Variants in MTA3 observed in about 807,000 individuals in gnomAD.
MTA3 encodes metastasis-associated protein MTA3.
A neutral mutation model predicts 83.5 loss-of-function variants in MTA3; 34 were observed. The observed-to-expected ratio is 0.41, with a 90% CI of 0.31 to 0.54. MTA3 has a LOEUF of 0.54. Among genes scored for constraint, MTA3 ranks in the 20% least tolerant of loss-of-function variants. The probability of loss-of-function intolerance (pLI) is 0.33; values close to 1 mark genes in which losing one functional copy is unlikely to be tolerated. For synonymous variants in MTA3, 303 were observed against 252.7 expected (o/e 1.20, Z -1.89); for missense variants, 761 against 726.4 (o/e 1.05, Z -0.55).
intron 16 of MTA3, among the ~76,000 whole-genome samples, chr2:42,734,070 A>G (rs920016171): frequency 6.6e-6 from 1 of 152,134 alleles, no homozygotes; most frequent in South Asian, 2.1e-4. Flanking sequence ...ATTAAGTCCT[A>G]GGTTTCTTTA....
intron 2 of MTA3, among the ~76,000 whole-genome samples, chr2:42,546,620 G>C (rs769368875): frequency 2.0e-5 from 3 of 151,990 alleles, no homozygotes; most frequent in Admixed American, 6.6e-5. Context: ...TTTCTAGGTT[G>C]GTCATTCCTA....
At chr2:42,647,155 T>TAAAAAAAAAAAACA (rs762680843) in intron 6 of MTA3, among the ~76,000 whole-genome samples, 59,961 of 88,680 alleles carry the variant, frequency 0.68, 20,382 homozygotes, top group African/African-American at 0.79. Flanking sequence ...AGACTCTGTC[T>TAAAAAAAAAAAACA]AAAAAAAAAA....
At position 42,540,039 on chromosome 2, in the gene MTA3, G is replaced by A. The variant is rs576542022; in HGVS notation, c.-140-30398G>A. Among the ~76,000 whole-genome samples the A allele has an allele frequency of 5.9e-5, 9 of 152,172 alleles. No individual in the cohort carries two copies. In the East Asian group the frequency reaches 1.4e-3, roughly 23 times the overall value. On this transcript the variant is annotated intron_variant, in intron 2 of 17. Coordinates refer to the MTA3 transcript ENST00000405592. Reference sequence around the variant, plus strand: ...GCACCTTCCTCCCTCTCTCTGGCTGGAAATTTTTAAATAACGGGGGAGGGA... The same window carrying A: ...GCACCTTCCTCCCTCTCTCTGGCTGAAAATTTTTAAATAACGGGGGAGGGA...
intron 3 of MTA3, among the ~76,000 whole-genome samples, chr2:42,596,995 C>T (rs1471615891): frequency 1.3e-5 from 2 of 151,870 alleles, no homozygotes; most frequent in Non-Finnish European, 2.9e-5. Flanking sequence ...ACCTCTGCCT[C>T]CCGGGTTCAA....
intron 2 of MTA3, among the ~76,000 whole-genome samples, chr2:42,534,742 T>A (rs1399625673): frequency 6.6e-6 from 1 of 152,182 alleles, no homozygotes; most frequent in Non-Finnish European, 1.5e-5. Flanking sequence ...TCTACTGTTA[T>A]TTTGGACTTC....
At chr2:42,624,246 T>C (rs1685861786) in intron 4 of MTA3, among the ~76,000 whole-genome samples, 1 of 152,108 alleles carries the variant, frequency 6.6e-6, no homozygotes, top group African/African-American at 2.4e-5. Context: ...AATACAATAA[T>C]TTTTAATATT....
chr2:42,533,612 T>C (rs1317405111), intron 2 of MTA3, among the ~76,000 whole-genome samples: 5 of 147,116 alleles, frequency 3.4e-5, no homozygotes, highest in Non-Finnish European at 4.5e-5. Flanking sequence ...GGTGGGCGGA[T>C]CACGAGGTTA....
Position 42,548,846 on chromosome 2 carries a change from A to ATATATATATATAAT in MTA3, c.-140-21591_-140-21590insTATATATATATAAT, listed in dbSNP as rs1553340715. Among the ~76,000 whole-genome samples, 13 of 15,064 alleles carry ATATATATATATAAT rather than the reference A, an allele frequency of 8.6e-4. 1 individual carries two copies. Among genetic ancestry groups the ATATATATATATAAT allele is most frequent in the South Asian group, 1.6e-3 (1 of 640 alleles). 9.9% of individuals were successfully genotyped at this position (15,064 alleles called of 152,430 possible). A position where few individuals can be genotyped will look rare whatever the true frequency, so the allele number is the denominator to read the frequency against. On this transcript the variant is annotated intron_variant, in intron 2 of 17. Transcript: ENST00000405592. ...ATATATATAATATATATATATATAT[A>ATATATATATATAAT]ATATATATATATAATATATATATAT...
Position 42,609,488 on chromosome 2 carries a change from T to A in MTA3, c.221T>A (p.Val74Asp). 6.2e-7 allele frequency: 1 copy of A among 1,613,878 alleles called. No individual in the cohort carries two copies. Among genetic ancestry groups the A allele is most frequent in the Non-Finnish European group, 8.5e-7 (1 of 1,179,820 alleles). Residue 74 changes from valine to aspartate, a missense_variant, in exon 4 of 17, where the codon GTT becomes GAT. Coordinates refer to ENST00000405094, the MANE Select transcript of MTA3 (RefSeq NM_001330442.2). Reference protein sequence around the residue: ...KEIEEESETTVEADLTDKQKH... With the variant: ...KEIEEESETTDEADLTDKQKH... ...ATTGAGGAAGAATCTGAAACAACAG[T>A]TGAGGCTGACTTGACCGATAAGCAG...
At chr2:42,710,483 A>AGAGGTTGCAGTGAGCT in intron 14 of MTA3, among the ~76,000 whole-genome samples, 1 of 147,146 alleles carries the variant, frequency 6.8e-6, no homozygotes, top group East Asian at 2.1e-4. Flanking sequence ...ACCGGGAGGC[A>AGAGGTTGCAGTGAGCT]GAGGTTGCAG....
At chr2:42,724,178 C>G (rs571333862) in intron 16 of MTA3, among the ~76,000 whole-genome samples, 1 of 151,954 alleles carries the variant, frequency 6.6e-6, no homozygotes, top group African/African-American at 2.4e-5. Flanking sequence ...TGGATTCAGG[C>G]TTGAATGTAA....
At chr2:42,542,579 T>C (rs148095456) in intron 2 of MTA3, among the ~76,000 whole-genome samples, 1,593 of 152,206 alleles carry the variant, frequency 0.01, 25 homozygotes, top group African/African-American at 0.037. Flanking sequence ...TGAGACGGAG[T>C]CTCACTCTGT....
At chr2:42,596,853 C>G (rs189344922) in intron 3 of MTA3, among the ~76,000 whole-genome samples, 1 of 151,930 alleles carries the variant, frequency 6.6e-6, no homozygotes, top group African/African-American at 2.4e-5. Flanking sequence ...TGTGGACTTA[C>G]AGAATGAAAA....
At chr2:42,696,632 A>G (rs1055616405) in intron 10 of MTA3, among the ~76,000 whole-genome samples, 3 of 152,200 alleles carry the variant, frequency 2.0e-5, no homozygotes, top group Admixed American at 6.5e-5. Context: ...TGAGCTGGGT[A>G]TGGTGGTGTG....
intron 9 of MTA3, among the ~76,000 whole-genome samples, chr2:42,693,952 A>G (rs901819016): frequency 6.6e-6 from 1 of 152,168 alleles, no homozygotes; most frequent in South Asian, 2.1e-4. Context: ...CTCGGGGCCC[A>G]TGGGCTCTTT....
intron 12 of MTA3, among the ~76,000 whole-genome samples, chr2:42,705,154 G>T (rs563363422): frequency 6.6e-6 from 1 of 152,206 alleles, no homozygotes; most frequent in African/African-American, 2.4e-5. Context: ...TACGTCGATT[G>T]ATCCCAAGGA....
At chr2:42,559,494 C>T (rs1041031337) in intron 2 of MTA3, among the ~76,000 whole-genome samples, 1 of 148,426 alleles carries the variant, frequency 6.7e-6, no homozygotes, top group African/African-American at 2.5e-5. Context: ...AGAGCGAGAC[C>T]TTGTCTCAAA....
At chr2:42,508,751 T>C (rs1674755866) in intron 2 of MTA3, among the ~76,000 whole-genome samples, 2 of 146,860 alleles carry the variant, frequency 1.4e-5, no homozygotes, top group Admixed American at 1.4e-4. Flanking sequence ...TATAATATTA[T>C]ATATTATATA....
At position 42,753,519 on chromosome 2, in the gene MTA3, G is replaced by T. The variant is rs767702136; in HGVS notation, c.*120G>T. 50 of 1,514,842 alleles carry T rather than the reference G, an allele frequency of 3.3e-5. No individual in the cohort carries two copies. The highest frequency in any genetic ancestry group is 4.4e-5 in the Non-Finnish European group (50 of 1,127,552). The allele number at this position is 1,514,842 out of a possible 1,614,324, so 93.8% of individuals were successfully genotyped here. A position where few individuals can be genotyped will look rare whatever the true frequency, so the allele number is the denominator to read the frequency against. ...ACATTTCAGTGGGAGACCTCTGCGT[G>T]CATCCATGGAGACGCAATGGGGCGG... On this transcript the variant is annotated 3_prime_UTR_variant, in exon 17 of 17. Transcript: ENST00000405094.
Sources: allele counts gnomAD v4.1 joint callset (sites outside exome capture counted in the v4.1 genomes callset), GRCh38; gene constraint gnomAD v4.1.1; transcripts MANE v1.5; gene names NCBI Gene and HGNC (gene_info 2026-07-23, HGNC 2026-07-21).